TRIM42: variants seen among roughly 807,000 people sequenced by gnomAD.
TRIM42 encodes tripartite motif-containing protein 42.
In TRIM42, 59 loss-of-function variants were observed where a neutral mutation model predicts 64.9. That is an observed-to-expected ratio of 0.91 (90% confidence interval 0.74 to 1.13). The LOEUF is 1.13. Among genes scored for constraint, TRIM42 ranks in the 50% most tolerant of loss-of-function variants. TRIM42 has a pLI of 0.00. For synonymous variants in TRIM42, 354 were observed against 346.3 expected, an observed-to-expected ratio of 1.02 and a Z score of -0.25; for missense variants, 878 against 929.5, an observed-to-expected ratio of 0.94 and a Z score of 0.72.
chr3:140,699,028 T>C (rs368818846), intron 4 of TRIM42, among the ~76,000 whole-genome samples: 1 of 151,056 alleles, frequency 6.6e-6, no homozygotes, highest in East Asian at 1.9e-4. Context: ...TTAAGGAAAA[T>C]TACTTCTAGG....
At position 140,682,750 on chromosome 3, in the gene TRIM42, G is replaced by A. The variant is rs1189667546; in HGVS notation, c.630G>A (p.Leu210=). The A allele has an allele frequency of 6.2e-7, 1 of 1,612,990 alleles. No homozygotes were observed. Residue 210 remains leucine, a synonymous_variant, in exon 2 of 5, where the codon CTG becomes CTA. Coordinates refer to ENST00000286349, the MANE Select transcript of TRIM42 (RefSeq NM_152616.5). ...AGATGCAGCTGCCCGAGAACTACCT[G>A]CACGGGCGTCTCACCAAGCGCTACA... The part of the protein sequence containing the change: ...SNKMQLPENY[L]HGRLTKRYMQ...
At chr3:140,686,595 G>A (rs1175176569) in intron 2 of TRIM42, among the ~76,000 whole-genome samples, 1 of 152,086 alleles carries the variant, frequency 6.6e-6, no homozygotes, top group Non-Finnish European at 1.5e-5. Flanking sequence ...TTGTTACAAC[G>A]ACCACCACTC....
At chr3:140,693,819 T>C (rs774794549) in intron 4 of TRIM42, among the ~76,000 whole-genome samples, 2 of 152,248 alleles carry the variant, frequency 1.3e-5, no homozygotes, top group Non-Finnish European at 2.9e-5. Context: ...TGGTGTGTAA[T>C]ACATGCAGCA....
intron 4 of TRIM42, among the ~76,000 whole-genome samples, chr3:140,692,481 G>A (rs1988742525): frequency 6.8e-6 from 1 of 147,622 alleles, no homozygotes; most frequent in South Asian, 2.2e-4. Flanking sequence ...AGGGGGACAT[G>A]CTTTACCTCA....
At chr3:140,682,441 T>C in intron 1 of TRIM42, 21 bp from the exon 2 acceptor site, 3 of 1,601,244 alleles carry the variant, frequency 1.9e-6, no homozygotes, top group Non-Finnish European at 2.6e-6. Context: ...CCTGAAACCC[T>C]GCCTTTGCTT....
rs1988987297 is a variant in TRIM42 at position 140,701,036 on chromosome 3, T to C, written c.*62T>C. ...CAAAGTAGACATATACACACACATATATGTATGTATATTTTTCTCACCACA... is the reference window on the plus strand; with the variant it reads ...CAAAGTAGACATATACACACACATACATGTATGTATATTTTTCTCACCACA... On this transcript the variant is annotated 3_prime_UTR_variant, in exon 5 of 5. Transcript: ENST00000286349. 7.2e-7 allele frequency: 1 copy of C among 1,388,648 alleles called. No homozygotes were observed. The highest frequency in any genetic ancestry group is 2.0e-5 in the Admixed American group (1 of 50,092). The allele number at this position is 1,388,648 out of a possible 1,614,324, so 86.0% of individuals were successfully genotyped here.
intron 3 of TRIM42, 28 bp from the exon 4 acceptor site, chr3:140,690,940 C>T (rs2107763454): frequency 1.3e-6 from 2 of 1,517,456 alleles, no homozygotes; most frequent in Non-Finnish European, 1.8e-6. Context: ...ATACTAGTAC[C>T]ACACCAGTAT....
Position 140,691,049 on chromosome 3 carries a change from G to T in TRIM42, c.1942G>T (p.Val648Leu). The change falls in exon 4 of 5, where the codon GTA becomes TTA. Residue 648 changes from valine to leucine, a missense_variant. By Grantham distance (32) the Val-to-Leu change is conservative. Coordinates refer to ENST00000286349, the MANE Select transcript of TRIM42 (RefSeq NM_152616.5). ...AGTCATTACTTCTCCTCCTAACAACGTACAAATGGAGCTCTGTGGACAAAT... is the reference window on the plus strand; with the variant it reads ...AGTCATTACTTCTCCTCCTAACAACTTACAAATGGAGCTCTGTGGACAAAT... ...YEVITSPPNN[V>L]QMELCGQIRD... 1.2e-6 allele frequency: 2 copies of T among 1,614,062 alleles called. No individual in the cohort carries two copies. The highest frequency in any genetic ancestry group is 1.7e-6 in the Non-Finnish European group (2 of 1,179,988).
intron 4 of TRIM42, among the ~76,000 whole-genome samples, chr3:140,699,624 CA>C: frequency 6.6e-6 from 1 of 152,270 alleles, no homozygotes; most frequent in Non-Finnish European, 1.5e-5. Flanking sequence ...TATTTTAAAG[CA>C]AAAACTCAAT....
intron 1 of TRIM42, 56 bp from the exon 2 acceptor site, chr3:140,682,406 G>A: frequency 1.3e-6 from 2 of 1,527,042 alleles, no homozygotes; most frequent in South Asian, 2.5e-5. Context: ...AGGTAGAGAA[G>A]CAGAGCAAGC....
intron 1 of TRIM42, among the ~76,000 whole-genome samples, chr3:140,680,010 CAGG>C (rs1988328676): frequency 2.6e-5 from 4 of 151,904 alleles, no homozygotes; most frequent in African/African-American, 9.7e-5. Flanking sequence ...GGAGGGAAGC[CAGG>C]AGATTTGATA....
chr3:140,700,738 C>T (rs1226848481), intron 4 of TRIM42, 150 bp from the exon 5 acceptor site: 2 of 635,482 alleles, frequency 3.1e-6, no homozygotes, highest in East Asian at 5.7e-5. Flanking sequence ...TGAGCCTCAG[C>T]TTCTTCATCT....
Position 140,678,215 on chromosome 3 carries a change from A to T in TRIM42, c.-15A>T. 2.5e-6 allele frequency: 4 copies of T among 1,605,840 alleles called. No individual in the cohort carries two copies. Among genetic ancestry groups the T allele is most frequent in the Non-Finnish European group, 3.4e-6 (4 of 1,173,442 alleles). On this transcript the variant is annotated 5_prime_UTR_variant, in exon 1 of 5. Transcript: ENST00000286349. Reference sequence around the variant, plus strand: ...TCAAGAGTCCTGGGAGGCCGGTGGTAATCATGTAGGCACCATGGAAACTGC... The same window carrying T: ...TCAAGAGTCCTGGGAGGCCGGTGGTTATCATGTAGGCACCATGGAAACTGC...
At chr3:140,680,793 G>C in intron 1 of TRIM42, 1 of 704,690 alleles carries the variant, frequency 1.4e-6, no homozygotes, top group African/African-American at 1.9e-5. Flanking sequence ...TATACACAGG[G>C]AGCATTCTCT....
At chr3:140,700,188 A>G (rs1988961910) in intron 4 of TRIM42, among the ~76,000 whole-genome samples, 1 of 152,192 alleles carries the variant, frequency 6.6e-6, no homozygotes, top group Non-Finnish European at 1.5e-5. Flanking sequence ...GGAGGGCAAC[A>G]TCTAAGCTAA....
intron 3 of TRIM42, 124 bp from the exon 4 acceptor site, chr3:140,690,844 T>A (rs1472380079): frequency 8.5e-6 from 6 of 707,366 alleles, no homozygotes; most frequent in Non-Finnish European, 1.5e-5. Context: ...AAGTCTTCGG[T>A]AGCTACAGGG....
chr3:140,682,162 G>A (rs1988413543), intron 1 of TRIM42, among the ~76,000 whole-genome samples: 2 of 152,076 alleles, frequency 1.3e-5, no homozygotes, highest in Non-Finnish European at 2.9e-5. Flanking sequence ...TGTGTACCAC[G>A]GACTGCTCTT....
chr3:140,700,552 G>A (rs1043475761), intron 4 of TRIM42, among the ~76,000 whole-genome samples: 3 of 152,126 alleles, frequency 2.0e-5, no homozygotes, highest in Non-Finnish European at 4.4e-5. Context: ...AGTTCTAATG[G>A]CTGAGGAAGG....
rs1254796600 is a variant in TRIM42 at position 140,694,428 on chromosome 3, G to C, written c.2085+3236G>C. ...TTTTTAGGTAAGTCATGTACGTGTT[G>C]ACCTCAGTTTCTTCCCCTGCTCTTC... On this transcript the variant is annotated intron_variant, in intron 4 of 4. Transcript: ENST00000286349. 2.0e-5 allele frequency among the ~76,000 whole-genome samples: 3 copies of C among 152,200 alleles called. No homozygotes were observed. The East Asian group carries it at 5.8e-4, about 29-fold the overall frequency.
Sources: allele counts gnomAD v4.1 joint callset (sites outside exome capture counted in the v4.1 genomes callset), GRCh38; gene constraint gnomAD v4.1.1; transcripts MANE v1.5; gene names NCBI Gene and HGNC (gene_info 2026-07-23, HGNC 2026-07-21).